The following MARCHF1 variants were observed in gnomAD, a reference collection of about 807,000 sequenced individuals.
The protein encoded by MARCHF1 is E3 ubiquitin-protein ligase MARCHF1.
Under a neutral mutation model 54.2 loss-of-function variants are expected in MARCHF1, and 40 were observed. The observed-to-expected ratio is 0.74, with a 90% CI of 0.57 to 0.96. The LOEUF is 0.96. MARCHF1 is among the 40% of genes least tolerant of loss of function. The pLI is 0.00. For missense variants in MARCHF1, 586 were observed against 656.5 expected, an observed-to-expected ratio of 0.89 and a Z score of 1.17; for synonymous variants, 236 against 236.3, an observed-to-expected ratio of 1.00 and a Z score of 0.01.
At chr4:164,217,777 G>T (rs1337778066) in intron 1 of MARCHF1, among the ~76,000 whole-genome samples, 1 of 152,132 alleles carries the variant, frequency 6.6e-6, no homozygotes, top group Non-Finnish European at 1.5e-5. Flanking sequence ...AGCCTAAAAG[G>T]TGCTCCCCAC....
At chr4:163,772,001 C>A (rs746702159) in intron 4 of MARCHF1, among the ~76,000 whole-genome samples, 1 of 152,078 alleles carries the variant, frequency 6.6e-6, no homozygotes, top group Non-Finnish European at 1.5e-5. Context: ...CATGAATTAT[C>A]AATATATTTA....
At chr4:164,295,707 G>A (rs1386931479) in intron 1 of MARCHF1, among the ~76,000 whole-genome samples, 1 of 152,090 alleles carries the variant, frequency 6.6e-6, no homozygotes, top group Non-Finnish European at 1.5e-5. Flanking sequence ...GATGGCACTG[G>A]AATTTGTAAG....
intron 1 of MARCHF1, among the ~76,000 whole-genome samples, chr4:164,233,266 G>A (rs1329647942): frequency 6.6e-6 from 1 of 151,600 alleles, no homozygotes; most frequent in South Asian, 2.1e-4. Flanking sequence ...TTACTCTGCT[G>A]TTCAAAGTTA....
intron 1 of MARCHF1, among the ~76,000 whole-genome samples, chr4:164,376,731 G>A (rs1167881860): frequency 6.6e-6 from 1 of 152,134 alleles, no homozygotes; most frequent in African/African-American, 2.4e-5. Flanking sequence ...CAGAAGCAGG[G>A]GGAAAGATAA....
intron 3 of MARCHF1, among the ~76,000 whole-genome samples, chr4:163,982,690 A>AT (rs938447904): frequency 1.3e-5 from 2 of 151,918 alleles, no homozygotes; most frequent in Non-Finnish European, 2.9e-5. Context: ...CCCAGAGTCT[A>AT]TTTTTTTTCT....
At chr4:163,823,126 A>G (rs1748741050) in intron 4 of MARCHF1, among the ~76,000 whole-genome samples, 2 of 151,876 alleles carry the variant, frequency 1.3e-5, no homozygotes, top group South Asian at 4.1e-4. Context: ...GGATGAATGA[A>G]GAATTTTCTT....
intron 2 of MARCHF1, among the ~76,000 whole-genome samples, chr4:164,021,864 AAAT>A (rs1241623406): frequency 3.5e-5 from 5 of 144,266 alleles, no homozygotes; most frequent in Non-Finnish European, 7.7e-5. Context: ...CAAAAAAAAA[AAAT>A]TATATATATA....
At chr4:164,243,931 AAT>A (rs1732856414) in intron 1 of MARCHF1, among the ~76,000 whole-genome samples, 1 of 152,142 alleles carries the variant, frequency 6.6e-6, no homozygotes. Context: ...ATATGCACCC[AAT>A]ACAGGAGCAC....
intron 2 of MARCHF1, among the ~76,000 whole-genome samples, chr4:164,072,431 T>C (rs1754886928): frequency 6.6e-6 from 1 of 151,976 alleles, no homozygotes; most frequent in African/African-American, 2.4e-5. Flanking sequence ...TGTGGTGGTG[T>C]GTGTCTGCGG....
intron 3 of MARCHF1, among the ~76,000 whole-genome samples, chr4:163,886,127 A>G (rs1340551073): frequency 6.7e-6 from 1 of 149,582 alleles, no homozygotes; most frequent in East Asian, 2.0e-4. Flanking sequence ...ATTTATATCT[A>G]GAGAGATAGA....
chr4:164,359,760 T>C (rs894014787), intron 1 of MARCHF1, among the ~76,000 whole-genome samples: 4 of 152,136 alleles, frequency 2.6e-5, no homozygotes, highest in African/African-American at 7.2e-5. Flanking sequence ...CTGTAACATA[T>C]GTGCTTACAT....
chr4:164,346,614 AT>A, intron 1 of MARCHF1, among the ~76,000 whole-genome samples: 1 of 3,014 alleles, frequency 3.3e-4, no homozygotes, highest in South Asian at 6.7e-3. Context: ...GTATATATAT[AT>A]ATATATATAT....
intron 9 of MARCHF1, among the ~76,000 whole-genome samples, chr4:163,536,821 C>A (rs947739795): frequency 1.3e-5 from 2 of 152,102 alleles, no homozygotes; most frequent in South Asian, 2.1e-4. Context: ...CCTCCACTTT[C>A]CTTCACAAGG....
chr4:164,351,503 C>T (rs1730332955), intron 1 of MARCHF1, among the ~76,000 whole-genome samples: 1 of 151,848 alleles, frequency 6.6e-6, no homozygotes, highest in African/African-American at 2.4e-5. Flanking sequence ...CAGGGGCACA[C>T]TGACACCTCA....
At chr4:163,933,602 T>C (rs1560825668) in intron 3 of MARCHF1, among the ~76,000 whole-genome samples, 2 of 152,242 alleles carry the variant, frequency 1.3e-5, no homozygotes. Context: ...TATGAAAATG[T>C]AGTTAATTAC....
chr4:163,729,828 G>A (rs1168738835), intron 4 of MARCHF1, among the ~76,000 whole-genome samples: 1 of 152,024 alleles, frequency 6.6e-6, no homozygotes, highest in Non-Finnish European at 1.5e-5. Flanking sequence ...GTGAGAAATT[G>A]GTTCTGTTTG....
chr4:164,006,438 TA>T (rs547201202), intron 2 of MARCHF1, among the ~76,000 whole-genome samples: 24 of 148,908 alleles, frequency 1.6e-4, no homozygotes, highest in Middle Eastern at 3.4e-3. Context: ...AAATGAAAAA[TA>T]AAAAAAAGGA....
intron 2 of MARCHF1, among the ~76,000 whole-genome samples, chr4:164,042,447 T>C (rs12501411): frequency 0.42 from 64,157 of 151,582 alleles, 15,710 homozygotes; most frequent in Non-Finnish European, 0.56. Flanking sequence ...AGAGGGGAGG[T>C]GCCACAAAGT....
In MARCHF1 at chr4:164,358,794, T is replaced by C. The variant is rs981509841; in HGVS notation, c.-323+25076A>G. ...AATAGTTCATGGAATAGAAATGTTATAGAGTAACATTTATTATTTTAAGAA... is the reference window on the plus strand; with the variant it reads ...AATAGTTCATGGAATAGAAATGTTACAGAGTAACATTTATTATTTTAAGAA... On this transcript the variant is annotated intron_variant, in intron 1 of 9. Transcript: ENST00000514618. 3.3e-5 allele frequency among the ~76,000 whole-genome samples: 5 copies of C among 152,192 alleles called. No homozygotes were observed. The East Asian group carries it at 5.8e-4, about 18-fold the overall frequency.
Sources: allele counts gnomAD v4.1 joint callset (sites outside exome capture counted in the v4.1 genomes callset), GRCh38; gene constraint gnomAD v4.1.1; transcripts MANE v1.5; gene names NCBI Gene and HGNC (gene_info 2026-07-23, HGNC 2026-07-21).